The following TRPM3 variants were observed in gnomAD, a reference collection of about 807,000 sequenced individuals.
TRPM3 encodes transient receptor potential cation channel subfamily M member 3, also known as long transient receptor potential channel 3.
Under a neutral mutation model 181.2 loss-of-function variants are expected in TRPM3, and 77 were observed. The observed-to-expected ratio is 0.42, with a 90% confidence interval of 0.35 to 0.51. TRPM3 has a LOEUF of 0.51. TRPM3 is among the 20% of genes least tolerant of loss of function. TRPM3 has a pLI of 0.01. For missense variants in TRPM3, 1,759 were observed against 2,196.7 expected (o/e 0.80, Z 3.98); for synonymous variants, 745 against 796.4 (o/e 0.94, Z 1.09).
chr9:70,923,862 A>G (rs574677882), intron 1 of TRPM3, among the ~76,000 whole-genome samples: 18 of 150,034 alleles, frequency 1.2e-4, no homozygotes, highest in Non-Finnish European at 2.4e-4. Context: ...ACACACATAT[A>G]TATATATACA....
chr9:71,395,847 G>T (rs1475273168), intron 1 of TRPM3, among the ~76,000 whole-genome samples: 1 of 152,134 alleles, frequency 6.6e-6, no homozygotes, highest in African/African-American at 2.4e-5. Flanking sequence ...TGGAAATACA[G>T]AATTAATGTA....
chr9:70,791,915 G>C (rs1301524264), intron 6 of TRPM3, among the ~76,000 whole-genome samples: 1 of 152,066 alleles, frequency 6.6e-6, no homozygotes, highest in Non-Finnish European at 1.5e-5. Context: ...AATGCCCATC[G>C]ACTGGCCTTC....
intron 1 of TRPM3, among the ~76,000 whole-genome samples, chr9:71,408,564 A>G (rs2093481399): frequency 6.6e-6 from 1 of 152,214 alleles, no homozygotes; most frequent in African/African-American, 2.4e-5. Context: ...AAAAAGAGTA[A>G]AAAGAAATGA....
chr9:70,793,078 T>C (rs1326753721), intron 6 of TRPM3, among the ~76,000 whole-genome samples: 1 of 152,206 alleles, frequency 6.6e-6, no homozygotes, highest in African/African-American at 2.4e-5. Flanking sequence ...AAATAACTTC[T>C]TAGCCCATGA....
chr9:71,127,377 G>A (rs779748554), intron 1 of TRPM3, among the ~76,000 whole-genome samples: 2 of 150,144 alleles, frequency 1.3e-5, no homozygotes, highest in African/African-American at 4.9e-5. Flanking sequence ...AGGTGGTGGC[G>A]GGTAGTGACG....
At chr9:70,786,411 G>A (rs1052309320) in intron 6 of TRPM3, among the ~76,000 whole-genome samples, 7 of 151,430 alleles carry the variant, frequency 4.6e-5, no homozygotes, top group Non-Finnish European at 1.0e-4. Context: ...CTTGATCCCG[G>A]GAGGCAGAGG....
chr9:71,077,223 G>C (rs775022670), intron 1 of TRPM3, among the ~76,000 whole-genome samples: 3 of 152,138 alleles, frequency 2.0e-5, no homozygotes, highest in Non-Finnish European at 4.4e-5. Flanking sequence ...AGGAATCCAG[G>C]AATCTACGTT....
chr9:70,644,530 A>G (rs533810030), intron 9 of TRPM3, among the ~76,000 whole-genome samples: 1 of 152,296 alleles, frequency 6.6e-6, no homozygotes. Flanking sequence ...AAAACTCTCA[A>G]TAAACTAGGT....
chr9:70,855,292 G>A (rs958925470), intron 3 of TRPM3, among the ~76,000 whole-genome samples: 2 of 152,148 alleles, frequency 1.3e-5, no homozygotes, highest in East Asian at 1.9e-4. Context: ...TAGAACAGAC[G>A]GGCTGTTTCA....
At chr9:70,673,048 G>C (rs1458018079) in intron 9 of TRPM3, among the ~76,000 whole-genome samples, 1 of 152,130 alleles carries the variant, frequency 6.6e-6, no homozygotes, top group Non-Finnish European at 1.5e-5. Context: ...AGAAAAGTGG[G>C]TAGAAGTGAA....
At chr9:70,778,745 C>T (rs146896852) in intron 7 of TRPM3, among the ~76,000 whole-genome samples, 21 of 152,190 alleles carry the variant, frequency 1.4e-4, no homozygotes, top group East Asian at 5.8e-4. Flanking sequence ...AGATCAATTA[C>T]GTTCTTTTGG....
intron 6 of TRPM3, among the ~76,000 whole-genome samples, chr9:70,814,719 A>G (rs543253458): frequency 2.0e-5 from 3 of 152,238 alleles, no homozygotes; most frequent in Non-Finnish European, 4.4e-5. Flanking sequence ...GCAAGAGAAA[A>G]GAAGGTATGT....
intron 1 of TRPM3, among the ~76,000 whole-genome samples, chr9:70,922,495 T>A (rs1019624965): frequency 6.6e-6 from 1 of 152,314 alleles, no homozygotes; most frequent in African/African-American, 2.4e-5. Context: ...CATAAAGCTG[T>A]TAAAAATGGA....
At chr9:71,429,338 G>A (rs929213884) in intron 1 of TRPM3, among the ~76,000 whole-genome samples, 1 of 152,096 alleles carries the variant, frequency 6.6e-6, no homozygotes, top group Non-Finnish European at 1.5e-5. Context: ...AGCCAGGCAC[G>A]CTGATTTCAA....
At chr9:71,114,342 G>A (rs1354173128) in intron 1 of TRPM3, among the ~76,000 whole-genome samples, 2 of 152,090 alleles carry the variant, frequency 1.3e-5, no homozygotes, top group Admixed American at 1.3e-4. Flanking sequence ...AAAATTAAGT[G>A]TGCCCTTCCT....
intron 1 of TRPM3, among the ~76,000 whole-genome samples, chr9:71,105,442 G>T (rs1344212672): frequency 6.6e-6 from 1 of 152,180 alleles, no homozygotes; most frequent in Non-Finnish European, 1.5e-5. Context: ...GGGAGCTACA[G>T]GACAGCTTAG....
intron 22 of TRPM3, among the ~76,000 whole-genome samples, chr9:70,554,445 C>G (rs1418042448): frequency 6.6e-6 from 1 of 152,164 alleles, no homozygotes; most frequent in African/African-American, 2.4e-5. Context: ...ATCTACTCGG[C>G]TGGAGTACTT....
chr9:71,398,095 A>G lies in TRPM3; in HGVS notation c.183+48558T>C, dbSNP rs145782087. ...CAGTGCTAGTAAGCTAATCAGCCCC[A>G]TGATCTGCCCCATGATAAGCTTCAC... is the stretch of plus-strand genomic sequence containing the variant. On this transcript the variant is annotated intron_variant, in intron 1 of 24. Transcript: ENST00000357533. Among the ~76,000 whole-genome samples the G allele has an allele frequency of 2.0e-5, 3 of 152,342 alleles. No homozygotes were observed. The East Asian group carries it at 5.8e-4, about 29-fold the overall frequency.
chr9:71,223,955 G>T (rs894721634), intron 1 of TRPM3, among the ~76,000 whole-genome samples: 4 of 152,232 alleles, frequency 2.6e-5, no homozygotes, highest in African/African-American at 9.6e-5. Context: ...CTGGGACTCA[G>T]GAGGAACTTG....
Sources: gnomAD v4.1 joint callset for allele counts (sites outside exome capture counted in the v4.1 genomes callset) on GRCh38, gnomAD v4.1.1 for gene constraint, MANE v1.5 for transcripts, NCBI Gene and HGNC (gene_info 2026-07-23, HGNC 2026-07-21) for gene names.